Variants in TSHZ2 observed in about 807,000 individuals in gnomAD.
The protein encoded by TSHZ2 is teashirt homolog 2.
In TSHZ2, 21 loss-of-function variants were observed where a neutral mutation model predicts 74.4. That is an observed-to-expected ratio of 0.28 (90% CI 0.20 to 0.41). The LOEUF (loss-of-function observed/expected upper bound fraction) is 0.41. Ranked by LOEUF, TSHZ2 falls within the 10% of genes least tolerant of loss-of-function variation. The pLI is 1.00. For synonymous variants in TSHZ2, 540 were observed against 515.3 expected, an observed-to-expected ratio of 1.05 and a Z score of -0.65; for missense variants, 1,244 against 1,293.5, an observed-to-expected ratio of 0.96 and a Z score of 0.59.
chr20:53,359,689 G>GGT (rs1267323378), intron 2 of TSHZ2, among the ~76,000 whole-genome samples: 7 of 152,188 alleles, frequency 4.6e-5, no homozygotes, highest in African/African-American at 9.7e-5. Flanking sequence ...CCATGTGGTT[G>GGT]GTATGTTCGA....
intron 1 of TSHZ2, among the ~76,000 whole-genome samples, chr20:53,129,650 G>A (rs1357244951): frequency 6.6e-6 from 1 of 152,042 alleles, no homozygotes; most frequent in African/African-American, 2.4e-5. Flanking sequence ...TTTTCCTTAT[G>A]AAACATGACA....
chr20:53,217,342 T>C (rs546407474), intron 1 of TSHZ2, among the ~76,000 whole-genome samples: 1 of 152,178 alleles, frequency 6.6e-6, no homozygotes, highest in East Asian at 1.9e-4. Flanking sequence ...GACAGCCCCC[T>C]GGCTCTAGGC....
intron 1 of TSHZ2, among the ~76,000 whole-genome samples, chr20:53,222,245 AAGT>A (rs113673432): frequency 0.12 from 18,658 of 152,178 alleles, 1,266 homozygotes; most frequent in Non-Finnish European, 0.15. Context: ...TTCTGTCTCC[AAGT>A]ACCCAAGGGT....
chr20:53,394,325 A>G (rs1380075222), intron 2 of TSHZ2, among the ~76,000 whole-genome samples: 1 of 152,230 alleles, frequency 6.6e-6, no homozygotes, highest in Non-Finnish European at 1.5e-5. Flanking sequence ...AAAGAAAACA[A>G]TAATTACTCA....
In TSHZ2 at chr20:53,259,124, G is replaced by T. The variant is rs944928593; in HGVS notation, c.*8+2553G>T. Among the ~76,000 whole-genome samples the T allele has an allele frequency of 3.9e-5, 6 of 152,232 alleles. No individual in the cohort carries two copies. In the East Asian group the frequency reaches 9.7e-4, roughly 25 times the overall value. On this transcript the variant is annotated intron_variant, in intron 2 of 2. Transcript: ENST00000371497. ...CATTGCTTAGAATGATGCATGTAAGGTTTCTAAATGGTCATGAAATGACAT... is the reference window on the plus strand; with the variant it reads ...CATTGCTTAGAATGATGCATGTAAGTTTTCTAAATGGTCATGAAATGACAT...
chr20:53,489,165 G>A lies in TSHZ2; in HGVS notation c.*2030G>A, dbSNP rs568094517. On this transcript the variant is annotated 3_prime_UTR_variant, in exon 3 of 3. Coordinates refer to ENST00000371497, the MANE Select transcript of TSHZ2 (RefSeq NM_173485.6). ...TGGCTTTTATGGGATTTACTCATGG[G>A]CATAGGGAATAGCGGCTCAAATGTA... The A allele has an allele frequency of 2.2e-5, 10 of 456,268 alleles. No homozygotes were observed. The East Asian group carries it at 6.9e-4, about 32-fold the overall frequency. The allele number at this position is 456,268 out of a possible 1,614,324, so 28.3% of individuals were successfully genotyped here.
intron 1 of TSHZ2, among the ~76,000 whole-genome samples, chr20:53,237,429 A>G (rs770296770): frequency 1.3e-5 from 2 of 152,174 alleles, no homozygotes; most frequent in Non-Finnish European, 2.9e-5. Flanking sequence ...CAACTGGTTC[A>G]AGCCCAGTTT....
chr20:53,351,150 A>G (rs1980630882), intron 2 of TSHZ2, among the ~76,000 whole-genome samples: 1 of 152,240 alleles, frequency 6.6e-6, no homozygotes, highest in South Asian at 2.1e-4. Flanking sequence ...ACTAACTTTC[A>G]TCCGCATCTG....
At chr20:53,456,170 CCCA>C (rs1347492117) in intron 2 of TSHZ2, among the ~76,000 whole-genome samples, 1 of 150,662 alleles carries the variant, frequency 6.6e-6, no homozygotes, top group African/African-American at 2.4e-5. Context: ...AGTTTACAGT[CCCA>C]CCAACAGTGT....
At chr20:53,244,283 T>C (rs1990148582) in intron 1 of TSHZ2, among the ~76,000 whole-genome samples, 1 of 152,184 alleles carries the variant, frequency 6.6e-6, no homozygotes, top group African/African-American at 2.4e-5. Context: ...TTATGCGGAA[T>C]AAACGTATAG....
At chr20:53,383,295 C>A (rs927137288) in intron 2 of TSHZ2, among the ~76,000 whole-genome samples, 1 of 151,832 alleles carries the variant, frequency 6.6e-6, no homozygotes, top group Non-Finnish European at 1.5e-5. Context: ...AAAGAAAATG[C>A]TTTATCTACC....
At chr20:53,123,692 C>T (rs1986874813) in intron 1 of TSHZ2, among the ~76,000 whole-genome samples, 1 of 152,106 alleles carries the variant, frequency 6.6e-6, no homozygotes, top group Admixed American at 6.5e-5. Context: ...AGTTAGCCGG[C>T]AAAGGGCATA....
intron 1 of TSHZ2, among the ~76,000 whole-genome samples, chr20:53,016,794 C>CCA (rs1240591669): frequency 3.9e-5 from 6 of 152,100 alleles, no homozygotes; most frequent in African/African-American, 1.4e-4. Context: ...TACTCATCTG[C>CCA]CATTAGTTGA....
rs138851690 is a variant in TSHZ2 at position 53,147,236 on chromosome 20, T to C, written c.41-106263T>C. On this transcript the variant is annotated intron_variant, in intron 1 of 2. Transcript: ENST00000371497. ...TCTTCTAAATTAACTTTGATCTCTT[T>C]TAGTGACAATTGATGGGTGACAACC... Among the ~76,000 whole-genome samples, 190 of 152,342 alleles carry C rather than the reference T, an allele frequency of 1.2e-3. 1 individual carries two copies. Among genetic ancestry groups the C allele is most frequent in the African/African-American group, 4.3e-3 (180 of 41,578 alleles).
chr20:53,265,281 C>G (rs190279756), intron 2 of TSHZ2, among the ~76,000 whole-genome samples: 1 of 152,212 alleles, frequency 6.6e-6, no homozygotes, highest in Non-Finnish European at 1.5e-5. Flanking sequence ...GGAAGGCACA[C>G]TTAGGGGCTT....
At chr20:53,200,213 T>C (rs760937316) in intron 1 of TSHZ2, among the ~76,000 whole-genome samples, 4 of 152,188 alleles carry the variant, frequency 2.6e-5, no homozygotes, top group Non-Finnish European at 4.4e-5. Context: ...CACAGTCTCC[T>C]TGGGAACTTG....
chr20:53,402,210 C>T (rs181277480), intron 2 of TSHZ2, among the ~76,000 whole-genome samples: 499 of 152,254 alleles, frequency 3.3e-3, no homozygotes, highest in Non-Finnish European at 5.9e-3. Flanking sequence ...ACTTCTTTTC[C>T]CCTGTAGTGG....
At chr20:53,134,326 G>A (rs1381138989) in intron 1 of TSHZ2, among the ~76,000 whole-genome samples, 1 of 152,220 alleles carries the variant, frequency 6.6e-6, no homozygotes, top group African/African-American at 2.4e-5. Flanking sequence ...GGCTGGATTA[G>A]CCAGTTAATG....
chr20:53,361,693 C>A (rs917271482), intron 2 of TSHZ2, among the ~76,000 whole-genome samples: 1 of 151,996 alleles, frequency 6.6e-6, no homozygotes, highest in Non-Finnish European at 1.5e-5. Flanking sequence ...GAGGTGACAC[C>A]GACATTTATT....
Sources: gnomAD v4.1 joint callset for allele counts (sites outside exome capture counted in the v4.1 genomes callset) on GRCh38, gnomAD v4.1.1 for gene constraint, MANE v1.5 for transcripts, NCBI Gene and HGNC (gene_info 2026-07-23, HGNC 2026-07-21) for gene names.